The following KIF13B variants were observed in gnomAD, a reference collection of about 807,000 sequenced individuals.
KIF13B encodes kinesin-like protein KIF13B.
KIF13B carries 127 observed loss-of-function variants against 222.0 expected under a neutral mutation model. The observed-to-expected ratio is 0.57, with a 90% confidence interval of 0.50 to 0.66. KIF13B has a LOEUF of 0.66. KIF13B is among the 30% of genes least tolerant of loss of function. The pLI is 0.00. For missense variants in KIF13B, 2,173 were observed against 2,379.0 expected, an observed-to-expected ratio of 0.91 and a Z score of 1.80; for synonymous variants, 976 against 919.0, an observed-to-expected ratio of 1.06 and a Z score of -1.12.
chr8:29,120,091 T>C (rs7012096), intron 29 of KIF13B, among the ~76,000 whole-genome samples: 129,017 of 151,682 alleles, frequency 0.85, 55,501 homozygotes, highest in Non-Finnish European at 0.91. Context: ...GAACTCCTAG[T>C]GGCAGAGTAT....
At chr8:29,229,240 T>G (rs1050987706) in intron 2 of KIF13B, among the ~76,000 whole-genome samples, 2 of 152,212 alleles carry the variant, frequency 1.3e-5, no homozygotes, top group Non-Finnish European at 2.9e-5. Flanking sequence ...TTTTTCCAAA[T>G]GTTTAGAGAA....
intron 2 of KIF13B, among the ~76,000 whole-genome samples, chr8:29,196,641 A>C (rs1813434834): frequency 6.6e-6 from 1 of 152,210 alleles, no homozygotes; most frequent in South Asian, 2.1e-4. Context: ...AAAACAATGA[A>C]TTCTATTCTG....
At chr8:29,141,345 A>T (rs76229842) in intron 19 of KIF13B, among the ~76,000 whole-genome samples, 2 of 151,946 alleles carry the variant, frequency 1.3e-5, no homozygotes, top group Non-Finnish European at 2.9e-5. Context: ...AAAAAAAAAA[A>T]GGTGAGCCCC....
At chr8:29,224,442 G>T (rs1364912496) in intron 2 of KIF13B, among the ~76,000 whole-genome samples, 1 of 152,170 alleles carries the variant, frequency 6.6e-6, no homozygotes. Context: ...GGGAATAATT[G>T]CTTCAACTTC....
intron 19 of KIF13B, among the ~76,000 whole-genome samples, chr8:29,141,796 G>A (rs1284814622): frequency 6.6e-6 from 1 of 152,144 alleles, no homozygotes; most frequent in Non-Finnish European, 1.5e-5. Flanking sequence ...TTATCTGCAA[G>A]GTTAAACGGG....
chr8:29,179,168 G>T (rs1216826900), intron 8 of KIF13B, among the ~76,000 whole-genome samples: 7 of 151,062 alleles, frequency 4.6e-5, no homozygotes, highest in Admixed American at 4.6e-4. Context: ...CTGTTGCCCA[G>T]GGCAGTGGGG....
At chr8:29,172,349 AG>A (rs1297526982) in intron 10 of KIF13B, among the ~76,000 whole-genome samples, 3 of 151,890 alleles carry the variant, frequency 2.0e-5, no homozygotes, top group African/African-American at 7.3e-5. Flanking sequence ...CCCAGAGTGC[AG>A]GGATTACAGG....
intron 10 of KIF13B, among the ~76,000 whole-genome samples, chr8:29,171,499 T>C (rs907302124): frequency 1.3e-5 from 2 of 152,186 alleles, no homozygotes; most frequent in African/African-American, 4.8e-5. Context: ...GGAAATTATG[T>C]TGAAGAATAC....
chr8:29,227,433 G>A (rs1021113759), intron 2 of KIF13B, among the ~76,000 whole-genome samples: 1 of 152,028 alleles, frequency 6.6e-6, no homozygotes, highest in East Asian at 1.9e-4. Flanking sequence ...GGGATTACAG[G>A]TGCCCACCAC....
chr8:29,213,631 A>G (rs1586934336), intron 2 of KIF13B, among the ~76,000 whole-genome samples: 1 of 152,178 alleles, frequency 6.6e-6, no homozygotes, highest in East Asian at 1.9e-4. Context: ...ACTGTAACAC[A>G]ATAGTAGGCA....
intron 1 of KIF13B, among the ~76,000 whole-genome samples, chr8:29,259,371 G>C (rs1429627445): frequency 1.3e-5 from 2 of 152,120 alleles, no homozygotes; most frequent in Non-Finnish European, 2.9e-5. Context: ...CTATTTCACT[G>C]TTTCTATCTT....
At chr8:29,252,273 G>A (rs144586564) in intron 1 of KIF13B, among the ~76,000 whole-genome samples, 7 of 152,226 alleles carry the variant, frequency 4.6e-5, no homozygotes, top group Admixed American at 1.3e-4. Context: ...GTCTTTCTTC[G>A]CTGTACACAT....
chr8:29,156,890 G>A (rs1194570148), intron 13 of KIF13B, among the ~76,000 whole-genome samples: 5 of 151,914 alleles, frequency 3.3e-5, no homozygotes, highest in Non-Finnish European at 5.9e-5. Context: ...TATATCAAAT[G>A]GAATAAGCGC....
Position 29,070,904 on chromosome 8 carries a change from TG to T in KIF13B, c.5219-139del. 1 of 955,682 alleles carries T rather than the reference TG, an allele frequency of 1.0e-6. No homozygotes were observed. The highest frequency in any genetic ancestry group is 1.6e-6 in the Non-Finnish European group (1 of 640,664). The allele number at this position is 955,682 out of a possible 1,614,324, so 59.2% of individuals were successfully genotyped here. On this transcript the variant is annotated intron_variant, in intron 39 of 39. Coordinates refer to ENST00000524189, the MANE Select transcript of KIF13B (RefSeq NM_015254.4). The surrounding 1 kb of genome is among the most constrained non-coding windows in gnomAD (Gnocchi z 4.1). ...CCCTACACAGCCAGCACTCGGACAC[TG>T]GCCATTGTCTGGCAGGGACTGGCTA...
chr8:29,188,361 A>T (rs1282844285), intron 5 of KIF13B, among the ~76,000 whole-genome samples, 154 bp downstream of exon 5: 1 of 152,242 alleles, frequency 6.6e-6, no homozygotes, highest in Non-Finnish European at 1.5e-5. Context: ...CACTCATTTT[A>T]AAATAATGTT....
At chr8:29,212,048 A>G (rs1814251466) in intron 2 of KIF13B, among the ~76,000 whole-genome samples, 2 of 151,870 alleles carry the variant, frequency 1.3e-5, no homozygotes, top group East Asian at 3.9e-4. Flanking sequence ...TTCCTTTTTT[A>G]TTGTGCATAG....
At chr8:29,248,218 C>A (rs1394407319) in intron 1 of KIF13B, among the ~76,000 whole-genome samples, 2 of 152,166 alleles carry the variant, frequency 1.3e-5, no homozygotes, top group African/African-American at 4.8e-5. Flanking sequence ...GAACACAAAA[C>A]TTGTACACAA....
intron 13 of KIF13B, among the ~76,000 whole-genome samples, chr8:29,160,492 G>A (rs372512661): frequency 5.3e-5 from 8 of 152,124 alleles, no homozygotes; most frequent in African/African-American, 1.9e-4. Context: ...TACAAATCAC[G>A]TTAAATAATG....
intron 37 of KIF13B, among the ~76,000 whole-genome samples, chr8:29,088,718 C>A (rs542676891): frequency 6.6e-6 from 1 of 152,334 alleles, no homozygotes; most frequent in Admixed American, 6.5e-5. Flanking sequence ...TGCAATTCCA[C>A]AGGCACTAAA....
Sources: allele counts gnomAD v4.1 joint callset (sites outside exome capture counted in the v4.1 genomes callset), GRCh38; gene constraint gnomAD v4.1.1; non-coding constraint Gnocchi (gnomAD v3.1); transcripts MANE v1.5; gene names NCBI Gene and HGNC (gene_info 2026-07-23, HGNC 2026-07-21).